Variants in OXSR1 observed in about 807,000 individuals in gnomAD.
OXSR1 encodes the protein serine/threonine-protein kinase OSR1.
A neutral mutation model predicts 79.8 loss-of-function variants in OXSR1; 24 were observed. The observed-to-expected ratio is 0.30, with a 90% CI of 0.22 to 0.42. The LOEUF (loss-of-function observed/expected upper bound fraction) is 0.42. Ranked by LOEUF, OXSR1 falls within the 10% of genes least tolerant of loss-of-function variation. The pLI is 1.00. For synonymous variants in OXSR1, 226 were observed against 209.2 expected, an observed-to-expected ratio of 1.08 and a Z score of -0.69; for missense variants, 430 against 618.4, an observed-to-expected ratio of 0.70 and a Z score of 3.23.
In OXSR1 at chr3:38,216,164, A is replaced by G. The variant is rs748431812; in HGVS notation, c.490+13A>G. The G allele has an allele frequency of 6.7e-6, 10 of 1,487,772 alleles. No homozygotes were observed. The Admixed American group carries it at 7.3e-5, about 11-fold the overall frequency. The allele number at this position is 1,487,772 out of a possible 1,614,324, so 92.2% of individuals were successfully genotyped here. A position where few individuals can be genotyped will look rare whatever the true frequency, so the allele number is the denominator to read the frequency against. On this transcript the variant is annotated intron_variant, in intron 5 of 17. Coordinates refer to ENST00000311806, the MANE Select transcript of OXSR1 (RefSeq NM_005109.3). ...GTACAGATTGCAGGTAATGATTAGT[A>G]TTTCTTTTTATTTGATTTAATGGTC... is the stretch of plus-strand genomic sequence containing the variant.
intron 8 of OXSR1, among the ~76,000 whole-genome samples, chr3:38,227,059 T>A (rs558001805): frequency 2.6e-5 from 4 of 152,288 alleles, no homozygotes; most frequent in Admixed American, 2.6e-4. Flanking sequence ...TTATAAAACT[T>A]TAAGAAAACT....
chr3:38,184,567 CAGTT>C (rs571069941), intron 2 of OXSR1, among the ~76,000 whole-genome samples: 5 of 152,144 alleles, frequency 3.3e-5, no homozygotes, highest in Non-Finnish European at 7.4e-5. Context: ...TATAATTTGC[CAGTT>C]AGTTAATCCA....
At chr3:38,201,595 A>G (rs1366010612) in intron 4 of OXSR1, among the ~76,000 whole-genome samples, 1 of 152,128 alleles carries the variant, frequency 6.6e-6, no homozygotes, top group Non-Finnish European at 1.5e-5. Flanking sequence ...CTGTAGTCCT[A>G]GCTACTCAGG....
At chr3:38,173,317 T>G (rs1477267495) in intron 1 of OXSR1, among the ~76,000 whole-genome samples, 2 of 152,230 alleles carry the variant, frequency 1.3e-5, no homozygotes, top group Non-Finnish European at 2.9e-5. Context: ...GTAAATAATT[T>G]AACCTGATGC....
At chr3:38,209,884 A>G (rs951439276) in intron 4 of OXSR1, among the ~76,000 whole-genome samples, 1 of 152,206 alleles carries the variant, frequency 6.6e-6, no homozygotes, top group South Asian at 2.1e-4. Context: ...AGCCTCCCAA[A>G]GTGCTGGGAT....
chr3:38,234,170 C>T (rs533746348), intron 10 of OXSR1, among the ~76,000 whole-genome samples: 55 of 152,180 alleles, frequency 3.6e-4, no homozygotes, highest in African/African-American at 1.3e-3. Flanking sequence ...TAGCTATAAA[C>T]CTTTGGGAAT....
At chr3:38,230,621 T>C (rs1208600406) in intron 10 of OXSR1, 191 bp downstream of exon 10, 2 of 519,844 alleles carry the variant, frequency 3.8e-6, no homozygotes, top group Non-Finnish European at 7.1e-6. Flanking sequence ...ATTACTCTGC[T>C]ATCTTTTAGG....
At chr3:38,191,881 G>A (rs1399570498) in intron 3 of OXSR1, among the ~76,000 whole-genome samples, 2 of 152,004 alleles carry the variant, frequency 1.3e-5, no homozygotes, top group Admixed American at 6.6e-5. Context: ...TTTTCTTACG[G>A]CATCATTTCT....
intron 4 of OXSR1, among the ~76,000 whole-genome samples, chr3:38,212,931 G>A (rs1375403073): frequency 6.6e-5 from 10 of 152,138 alleles, no homozygotes; most frequent in African/African-American, 2.4e-4. Context: ...AGACTGTGGT[G>A]TTTTTTATTG....
chr3:38,173,133 G>A (rs1481769051), intron 1 of OXSR1, among the ~76,000 whole-genome samples: 2 of 152,160 alleles, frequency 1.3e-5, no homozygotes, highest in Non-Finnish European at 2.9e-5. Context: ...TGTATAATTT[G>A]GTCATTTGCA....
intron 1 of OXSR1, among the ~76,000 whole-genome samples, chr3:38,173,260 G>T (rs1701617156): frequency 6.6e-6 from 1 of 152,092 alleles, no homozygotes; most frequent in Admixed American, 6.6e-5. Context: ...TAAGAATATT[G>T]GCCTCATTTT....
rs1042664306 is a variant in OXSR1 at position 38,221,586 on chromosome 3, G to A, written c.499G>A (p.Val167Ile). ...DGSVQIADFG[V>I]SAFLATGGDI... ...GTTGTATTCTATTTCAGACTTTGGG[G>A]TTAGTGCTTTTTTAGCAACTGGTGG... Residue 167 changes from valine (V) to isoleucine (I), a missense_variant, in exon 6 of 18, where the codon GTT (valine) becomes ATT (isoleucine). This residue lies in a region of OXSR1 where 145 missense variants were observed against 228.3 expected (regional missense o/e 0.64). Transcript: ENST00000311806. 8.7e-6 allele frequency: 14 copies of A among 1,602,966 alleles called. No individual in the cohort carries two copies. Among genetic ancestry groups the A allele is most frequent in the Non-Finnish European group, 8.5e-6 (10 of 1,170,370 alleles).
intron 8 of OXSR1, among the ~76,000 whole-genome samples, chr3:38,228,840 G>A (rs1702748112): frequency 6.6e-6 from 1 of 152,164 alleles, no homozygotes; most frequent in Admixed American, 6.5e-5. Context: ...CCAAAGTTCT[G>A]GGATTACAAG....
At chr3:38,247,259 G>A (rs940242099) in intron 13 of OXSR1, among the ~76,000 whole-genome samples, 4 of 152,290 alleles carry the variant, frequency 2.6e-5, no homozygotes, top group African/African-American at 7.2e-5. Context: ...CTATGTATGG[G>A]TTGGATGGAT....
intron 4 of OXSR1, among the ~76,000 whole-genome samples, chr3:38,199,967 TC>T (rs1453202829): frequency 1.3e-5 from 2 of 152,152 alleles, no homozygotes; most frequent in Non-Finnish European, 2.9e-5. Flanking sequence ...CCCTCTTTGC[TC>T]CTGGGTGGGG....
chr3:38,201,568 G>A (rs1333761510), intron 4 of OXSR1, among the ~76,000 whole-genome samples: 1 of 152,120 alleles, frequency 6.6e-6, no homozygotes. Flanking sequence ...AAATTAGCTG[G>A]GTGTGGTGGT....
intron 3 of OXSR1, among the ~76,000 whole-genome samples, chr3:38,197,917 CTTGGCACAGTTGCTAATATTGTTTTGTT>C (rs1702096946): frequency 1.3e-5 from 2 of 152,298 alleles, no homozygotes; most frequent in South Asian, 4.1e-4. Flanking sequence ...TTCTAGACTT[CTTGGCACAGTTGCTAATATTGTTTTGTT>C]TTGGTTCTGT....
At chr3:38,208,688 G>A (rs1180275170) in intron 4 of OXSR1, among the ~76,000 whole-genome samples, 2 of 152,282 alleles carry the variant, frequency 1.3e-5, no homozygotes, top group Admixed American at 1.3e-4. Context: ...GGATCATGAG[G>A]TCAGGAGATC....
chr3:38,235,123 A>G (rs1318087017), intron 10 of OXSR1, among the ~76,000 whole-genome samples: 1 of 152,188 alleles, frequency 6.6e-6, no homozygotes, highest in African/African-American at 2.4e-5. Flanking sequence ...AGAGTATGGC[A>G]TGTCTTGTAG....
Sources: gnomAD v4.1 joint callset for allele counts (sites outside exome capture counted in the v4.1 genomes callset) on GRCh38, gnomAD v4.1.1 for gene constraint, gnomAD v4.1.1 regional missense constraint, MANE v1.5 for transcripts, NCBI Gene and HGNC (gene_info 2026-07-23, HGNC 2026-07-21) for gene names.